Variants in LSAMP observed in about 807,000 individuals in gnomAD.
LSAMP encodes the protein limbic system-associated membrane protein.
In LSAMP, 7 loss-of-function variants were observed where a neutral mutation model predicts 38.6. The ratio of observed to expected loss-of-function variants is 0.18; its 90% CI spans 0.10 to 0.34. The LOEUF (loss-of-function observed/expected upper bound fraction) is 0.34. Ranked by LOEUF, LSAMP falls within the 10% of genes least tolerant of loss-of-function variation. The pLI is 1.00. For missense variants in LSAMP, 313 were observed against 420.0 expected (o/e 0.75, Z 2.23); for synonymous variants, 154 against 166.8 (o/e 0.92, Z 0.59).
intron 1 of LSAMP, among the ~76,000 whole-genome samples, chr3:116,439,354 G>A (rs1048705149): frequency 7.0e-6 from 1 of 142,920 alleles, no homozygotes; most frequent in Admixed American, 7.3e-5. Context: ...TGATACTTAA[G>A]ATGCCCACCT....
intron 1 of LSAMP, among the ~76,000 whole-genome samples, chr3:116,189,349 G>T (rs927312178): frequency 2.0e-5 from 3 of 152,170 alleles, no homozygotes; most frequent in African/African-American, 7.2e-5. Flanking sequence ...CATAGATACA[G>T]CAGAGCCTCT....
At chr3:116,207,489 C>A (rs1268075745) in intron 1 of LSAMP, among the ~76,000 whole-genome samples, 1 of 150,832 alleles carries the variant, frequency 6.6e-6, no homozygotes, top group African/African-American at 2.4e-5. Flanking sequence ...GATGCAGTTT[C>A]TTCCTAGTCT....
chr3:115,990,611 T>C (rs1939639649), intron 3 of LSAMP, among the ~76,000 whole-genome samples: 1 of 152,068 alleles, frequency 6.6e-6, no homozygotes, highest in Admixed American at 6.6e-5. Context: ...TCTAAGTGGC[T>C]GGTGAAAATG....
intron 3 of LSAMP, among the ~76,000 whole-genome samples, chr3:115,989,645 T>G (rs1939611298): frequency 6.6e-6 from 1 of 152,100 alleles, no homozygotes; most frequent in African/African-American, 2.4e-5. Context: ...TTTTTGTCAT[T>G]AATCCAGGCA....
intron 1 of LSAMP, among the ~76,000 whole-genome samples, chr3:116,301,658 C>A (rs1463989746): frequency 2.0e-5 from 3 of 152,082 alleles, no homozygotes; most frequent in Non-Finnish European, 4.4e-5. Context: ...TATAACTGGG[C>A]CCCATTTCTC....
At chr3:116,375,827 G>A (rs1393264117) in intron 1 of LSAMP, among the ~76,000 whole-genome samples, 1 of 151,812 alleles carries the variant, frequency 6.6e-6, no homozygotes, top group Non-Finnish European at 1.5e-5. Flanking sequence ...GTGTTTTTAA[G>A]ATTAAAATCC....
rs749133518 is a variant in LSAMP at position 115,852,614 on chromosome 3, C to T, written c.518G>A (p.Arg173Lys). The T allele has an allele frequency of 1.2e-6, 2 of 1,610,502 alleles. No individual in the cohort carries two copies. Among genetic ancestry groups the T allele is most frequent in the Non-Finnish European group, 1.7e-6 (2 of 1,178,812 alleles). ...ITWRHLTPTG[R>K]EFEGEEEYLE... The stretch of plus-strand genomic sequence containing the variant: ...ATATTCTTCTTCTCCTTCAAATTCC[C>T]TTCCTGAAAAACAGAGGTTTTCATG... Residue 173 changes from arginine to lysine, a missense_variant, in exon 4 of 7, where the codon AGG becomes AAG. Arg to Lys is a conservative substitution (Grantham distance 26). Coordinates refer to ENST00000490035, the MANE Select transcript of LSAMP (RefSeq NM_002338.5).
intron 3 of LSAMP, among the ~76,000 whole-genome samples, chr3:115,965,530 A>C (rs1331356571): frequency 6.6e-6 from 1 of 151,900 alleles, no homozygotes; most frequent in Non-Finnish European, 1.5e-5. Context: ...TAAATTAAGC[A>C]AAATATCTCT....
chr3:115,852,289 C>T (rs1935358607), intron 4 of LSAMP, among the ~76,000 whole-genome samples, 194 bp downstream of exon 4: 1 of 152,198 alleles, frequency 6.6e-6, no homozygotes, highest in Non-Finnish European at 1.5e-5. Flanking sequence ...TTATGGATTA[C>T]ATTTAGAGTT....
intron 1 of LSAMP, among the ~76,000 whole-genome samples, chr3:116,165,863 C>T (rs1404647376): frequency 6.6e-6 from 1 of 152,182 alleles, no homozygotes; most frequent in Non-Finnish European, 1.5e-5. Context: ...GGCTTCTTCT[C>T]ATCTTAGAGT....
At chr3:116,135,487 T>C (rs1709227639) in intron 1 of LSAMP, among the ~76,000 whole-genome samples, 1 of 152,152 alleles carries the variant, frequency 6.6e-6, no homozygotes, top group Non-Finnish European at 1.5e-5. Context: ...GGGATCGTAT[T>C]TTCCTGACCC....
chr3:115,857,641 T>A (rs1935549745), intron 3 of LSAMP, among the ~76,000 whole-genome samples: 1 of 152,216 alleles, frequency 6.6e-6, no homozygotes, highest in African/African-American at 2.4e-5. Flanking sequence ...GTGTTTAGTT[T>A]AAATCTCCCT....
At chr3:116,170,490 T>C (rs1337848920) in intron 1 of LSAMP, among the ~76,000 whole-genome samples, 1 of 152,204 alleles carries the variant, frequency 6.6e-6, no homozygotes, top group Non-Finnish European at 1.5e-5. Flanking sequence ...TATGAGATTA[T>C]GTTTATAATT....
chr3:115,983,392 G>A (rs898340145), intron 3 of LSAMP, among the ~76,000 whole-genome samples: 1 of 152,010 alleles, frequency 6.6e-6, no homozygotes, highest in Admixed American at 6.6e-5. Flanking sequence ...GTATGGTGGT[G>A]CACACCTGTA....
intron 1 of LSAMP, among the ~76,000 whole-genome samples, chr3:116,333,594 C>T (rs1285975232): frequency 6.8e-6 from 1 of 148,034 alleles, no homozygotes; most frequent in Admixed American, 6.7e-5. Context: ...AGATTGAAGT[C>T]AGAAATCAAT....
chr3:116,136,808 C>T (rs1709258922), intron 1 of LSAMP, among the ~76,000 whole-genome samples: 1 of 151,990 alleles, frequency 6.6e-6, no homozygotes, highest in Non-Finnish European at 1.5e-5. Flanking sequence ...TGCTATGGTA[C>T]CAAGTAAGAA....
At chr3:116,114,403 A>G (rs1265958120) in intron 1 of LSAMP, among the ~76,000 whole-genome samples, 1 of 152,220 alleles carries the variant, frequency 6.6e-6, no homozygotes, top group Non-Finnish European at 1.5e-5. Context: ...GGAAGAAGAA[A>G]GAAAGGGAAG....
At chr3:116,373,459 T>C (rs2048458290) in intron 1 of LSAMP, among the ~76,000 whole-genome samples, 1 of 151,698 alleles carries the variant, frequency 6.6e-6, no homozygotes, top group South Asian at 2.1e-4. Context: ...CGAATGGGTA[T>C]AGGGCTTAGT....
At chr3:116,109,151 T>C (rs1239069694) in intron 1 of LSAMP, among the ~76,000 whole-genome samples, 5 of 152,116 alleles carry the variant, frequency 3.3e-5, no homozygotes, top group Non-Finnish European at 7.3e-5. Flanking sequence ...CTAAACACTA[T>C]CTGATTTGGG....
Sources: allele counts gnomAD v4.1 joint callset (sites outside exome capture counted in the v4.1 genomes callset), GRCh38; gene constraint gnomAD v4.1.1; transcripts MANE v1.5; gene names NCBI Gene and HGNC (gene_info 2026-07-23, HGNC 2026-07-21).